Variants in AP1AR observed in about 807,000 individuals in gnomAD.
The protein encoded by AP1AR is adaptor related protein complex 1 associated regulatory protein, also known as AP-1 complex-associated regulatory protein.
In AP1AR, 29 loss-of-function variants were observed where a neutral mutation model predicts 46.3. That is an observed-to-expected ratio of 0.63 (90% CI 0.47 to 0.85). The LOEUF is 0.85. AP1AR is among the 40% of genes least tolerant of loss of function. The pLI, the probability that AP1AR is intolerant of heterozygous loss-of-function variation, is 0.00. For missense variants in AP1AR, 357 were observed against 356.3 expected, an observed-to-expected ratio of 1.00 and a Z score of -0.02; for synonymous variants, 122 against 122.9, an observed-to-expected ratio of 0.99 and a Z score of 0.05.
Position 112,231,907 on chromosome 4 carries a change from C to T in AP1AR, c.-185C>T, listed in dbSNP as rs1725015866. On this transcript the variant is annotated 5_prime_UTR_variant, in exon 1 of 10. Transcript: ENST00000274000. ...GGCTCTGCGGCCGCTGGAGTAAACA[C>T]TGCCTTTGTTCCCTAGCGCCTCGTC... 9.0e-6 allele frequency: 4 copies of T among 442,834 alleles called. No homozygotes were observed. The highest frequency in any genetic ancestry group is 1.5e-5 in the Non-Finnish European group (4 of 263,130). 27.4% of individuals were successfully genotyped at this position (442,834 alleles called of 1,614,324 possible). A position where few individuals can be genotyped will look rare whatever the true frequency, so the allele number is the denominator to read the frequency against.
Position 112,268,410 on chromosome 4 carries a change from G to A in AP1AR, c.*1G>A. ...TGACACAGATCAACAGACTCGATAG[G>A]GTAAAATTGTGTGACCTTGTTTATC... On this transcript the variant is annotated 3_prime_UTR_variant, in exon 10 of 10. Coordinates refer to ENST00000274000, the MANE Select transcript of AP1AR (RefSeq NM_018569.6). 6.4e-7 allele frequency: 1 copy of A among 1,572,764 alleles called. No homozygotes were observed. Among genetic ancestry groups the A allele is most frequent in the Non-Finnish European group, 8.6e-7 (1 of 1,158,922 alleles).
chr4:112,235,033 A>C (rs1725181065), intron 1 of AP1AR, among the ~76,000 whole-genome samples: 1 of 152,228 alleles, frequency 6.6e-6, no homozygotes, highest in African/African-American at 2.4e-5. Flanking sequence ...CTGTTTCACC[A>C]GTCAAAATAT....
intron 7 of AP1AR, 26 bp downstream of exon 7, chr4:112,265,093 T>A: frequency 6.4e-7 from 1 of 1,568,218 alleles, no homozygotes; most frequent in Non-Finnish European, 8.7e-7. Flanking sequence ...TATGCCTCCT[T>A]CCCTTTGTGG....
rs367942118 is a variant in AP1AR, at chr4:112,253,162, T to C, written c.84-46T>C. 1.0e-4 allele frequency: 145 copies of C among 1,443,140 alleles called. 2 individuals carry two copies. In the South Asian group the frequency reaches 1.3e-3, roughly 13 times the overall value. The allele number at this position is 1,443,140 out of a possible 1,614,324, so 89.4% of individuals were successfully genotyped here. A position where few individuals can be genotyped will look rare whatever the true frequency, so the allele number is the denominator to read the frequency against. On this transcript the variant is annotated intron_variant, in intron 1 of 9. Transcript: ENST00000274000. ...TTTTATGCTATATATTAATTCAATC[T>C]TAGAGTTAATTGTGTTTTTTAAAGT...
At chr4:112,240,233 T>C (rs1725428418) in intron 1 of AP1AR, among the ~76,000 whole-genome samples, 17 of 152,212 alleles carry the variant, frequency 1.1e-4, no homozygotes, top group Admixed American at 1.1e-3. Context: ...TGTGTCACAC[T>C]TTTCCTTGAA....
intron 1 of AP1AR, among the ~76,000 whole-genome samples, chr4:112,237,187 A>G (rs34501520): frequency 6.6e-6 from 1 of 151,958 alleles, no homozygotes; most frequent in Non-Finnish European, 1.5e-5. Context: ...GCTCACTGCA[A>G]CCTCCGCCTC....
At chr4:112,253,334 G>A in intron 2 of AP1AR, 78 bp downstream of exon 2, 2 of 1,030,228 alleles carry the variant, frequency 1.9e-6, no homozygotes, top group East Asian at 4.8e-5. Flanking sequence ...AAGAGGGAAA[G>A]ATCTGGACCC....
At chr4:112,254,444 T>C (rs527444401) in intron 2 of AP1AR, among the ~76,000 whole-genome samples, 59 of 152,332 alleles carry the variant, frequency 3.9e-4, no homozygotes, top group African/African-American at 1.3e-3. Flanking sequence ...TGAAATTACT[T>C]GTATGAAATA....
intron 4 of AP1AR, among the ~76,000 whole-genome samples, chr4:112,258,053 A>G (rs1364692813): frequency 1.3e-5 from 2 of 152,120 alleles, no homozygotes; most frequent in South Asian, 4.1e-4. Flanking sequence ...GTTTTCTTAA[A>G]ACCATTTAAT....
Position 112,266,624 on chromosome 4 carries a change from C to T in AP1AR, c.551C>T (p.Thr184Ile). 6.2e-7 allele frequency: 1 copy of T among 1,610,638 alleles called. No homozygotes were observed. Among genetic ancestry groups the T allele is most frequent in the Non-Finnish European group, 8.5e-7 (1 of 1,177,754 alleles). ...GATGCTACAGTTTTGACACCAAATA[C>T]AGAAAGCAGTTGTGATTTAATGACC... ...SSDATVLTPN[T>I]ESSCDLMTKT... Residue 184 changes from threonine to isoleucine, a missense_variant, in exon 9 of 10, where the codon ACA becomes ATA. Physicochemically the swap from Thr to Ile is moderately conservative, Grantham distance 89. Transcript: ENST00000274000.
chr4:112,262,570 C>G (rs140358908), intron 5 of AP1AR, among the ~76,000 whole-genome samples: 1 of 152,222 alleles, frequency 6.6e-6, no homozygotes, highest in African/African-American at 2.4e-5. Context: ...GATGGCAAGA[C>G]ATGAATTTTG....
In AP1AR at chr4:112,270,908, AG is replaced by A. The variant is rs1463546525; in HGVS notation, c.*2500del. Among the ~76,000 whole-genome samples the A allele has an allele frequency of 6.6e-6, 1 of 152,222 alleles. No homozygotes were observed. The highest frequency in any genetic ancestry group is 1.5e-5 in the Non-Finnish European group (1 of 68,036). ...CAAACGATTGCTTTAGTTGCTGTGT[AG>A]AGAATGGATTGTAAGAAGGCAAGAG... On this transcript the variant is annotated 3_prime_UTR_variant, in exon 10 of 10. Coordinates refer to ENST00000274000, the MANE Select transcript of AP1AR (RefSeq NM_018569.6).
chr4:112,237,840 C>A (rs114012828), intron 1 of AP1AR, among the ~76,000 whole-genome samples: 1 of 152,116 alleles, frequency 6.6e-6, no homozygotes, highest in Non-Finnish European at 1.5e-5. Context: ...CCCTATGAAA[C>A]CCGCTCCAAG....
rs1377942665 is a variant in AP1AR at position 112,265,039 on chromosome 4, C to T, written c.412C>T (p.His138Tyr). ...QERQRIVQQYHPSNNGEYQSS... is the reference protein window; with the variant it reads ...QERQRIVQQYYPSNNGEYQSS... Reference sequence around the variant, plus strand: ...AAGGCAGAGAATTGTGCAGCAATATCATCCTTCCAACAATGGAGAATATCA... The same window carrying T: ...AAGGCAGAGAATTGTGCAGCAATATTATCCTTCCAACAATGGAGAATATCA... The change falls in exon 7 of 10, where the codon CAT (histidine) becomes TAT (tyrosine). Residue 138 changes from histidine (H) to tyrosine (Y), a missense_variant. Physicochemically the swap from His to Tyr is moderately conservative, Grantham distance 83. Transcript: ENST00000274000. 6.2e-7 allele frequency: 1 copy of T among 1,603,038 alleles called. No individual in the cohort carries two copies.
chr4:112,260,792 A>T lies in AP1AR; in HGVS notation c.212A>T (p.Asp71Val), dbSNP rs1465123331. 1.1e-5 allele frequency: 18 copies of T among 1,600,820 alleles called. No individual in the cohort carries two copies. The highest frequency in any genetic ancestry group is 2.2e-5 in the East Asian group (1 of 44,644). The part of the protein sequence containing the change: ...HRPLTEEEIV[D>V]LRERHYDSIA... ...CCTCTTACTGAGGAAGAAATTGTTGACCTAAGAGAAAGGCATTATGATTCC... is the reference window on the plus strand; with the variant it reads ...CCTCTTACTGAGGAAGAAATTGTTGTCCTAAGAGAAAGGCATTATGATTCC... Residue 71 changes from aspartate to valine, a missense_variant, in exon 5 of 10, where the codon GAC becomes GTC. Physicochemically the swap from Asp to Val is radical, Grantham distance 152. Transcript: ENST00000274000.
chr4:112,250,126 C>G (rs1289652024), intron 1 of AP1AR, among the ~76,000 whole-genome samples: 1 of 152,172 alleles, frequency 6.6e-6, no homozygotes, highest in African/African-American at 2.4e-5. Context: ...CCCAGTTGTT[C>G]CGCTTACCCT....
At chr4:112,247,897 GA>G (rs1351498725) in intron 1 of AP1AR, among the ~76,000 whole-genome samples, 1 of 152,176 alleles carries the variant, frequency 6.6e-6, no homozygotes, top group Non-Finnish European at 1.5e-5. Flanking sequence ...GTAAAAGCTT[GA>G]TGTGAAATAT....
At chr4:112,241,066 T>C (rs1457786041) in intron 1 of AP1AR, among the ~76,000 whole-genome samples, 1 of 152,180 alleles carries the variant, frequency 6.6e-6, no homozygotes, top group Non-Finnish European at 1.5e-5. Context: ...TAAATCAGGC[T>C]CTTAAAAGGC....
chr4:112,265,613 T>C (rs903960608), intron 7 of AP1AR, 121 bp from the exon 8 acceptor site: 19 of 653,088 alleles, frequency 2.9e-5, no homozygotes, highest in Non-Finnish European at 5.0e-5. Context: ...ATTCTAATTG[T>C]ACAGCAGTTA....
Sources: gnomAD v4.1 joint callset for allele counts (sites outside exome capture counted in the v4.1 genomes callset) on GRCh38, gnomAD v4.1.1 for gene constraint, MANE v1.5 for transcripts, NCBI Gene and HGNC (gene_info 2026-07-23, HGNC 2026-07-21) for gene names.